The following RORB variants were observed in gnomAD, a reference collection of about 807,000 sequenced individuals.
The protein encoded by RORB is RAR related orphan receptor B.
In RORB, 6 loss-of-function variants were observed where a neutral mutation model predicts 59.1. That is an observed-to-expected ratio of 0.10 (90% CI 0.06 to 0.20). The LOEUF is 0.20. RORB is among the 10% of genes least tolerant of loss of function. RORB has a pLI of 1.00. For missense variants in RORB, 320 were observed against 560.5 expected (o/e 0.57, Z 4.33); for synonymous variants, 215 against 204.5 (o/e 1.05, Z -0.44).
intron 1 of RORB, among the ~76,000 whole-genome samples, chr9:74,623,642 A>G (rs10746963): frequency 0.76 from 115,862 of 151,914 alleles, 44,975 homozygotes; most frequent in East Asian, 0.92. Flanking sequence ...TGCTAGCCTC[A>G]GGATCTCATT....
chr9:74,555,947 A>T (rs543629233), intron 1 of RORB, among the ~76,000 whole-genome samples: 2 of 152,322 alleles, frequency 1.3e-5, no homozygotes, highest in East Asian at 3.9e-4. Context: ...TCACATTTTT[A>T]AAATATATTT....
In RORB at chr9:74,651,063, T is replaced by C. The variant is rs188081103; in HGVS notation, c.637+8248T>C. 1.1e-4 allele frequency among the ~76,000 whole-genome samples: 17 copies of C among 152,308 alleles called. 1 individual carries two copies. In the East Asian group the frequency reaches 3.3e-3, roughly 29 times the overall value. On this transcript the variant is annotated intron_variant, in intron 4 of 9. Coordinates refer to ENST00000376896, the MANE Select transcript of RORB (RefSeq NM_006914.4). ...CATCTGTGACCCATTGGTTGTCCTT[T>C]GGTGGCGTGTGGAGGTGCAGTTTTT... is the stretch of plus-strand genomic sequence containing the variant.
chr9:74,589,064 G>A (rs1822850252), intron 1 of RORB, among the ~76,000 whole-genome samples: 1 of 152,158 alleles, frequency 6.6e-6, no homozygotes, highest in Admixed American at 6.5e-5. Context: ...GCATAGTACA[G>A]GGAGGACTTA....
At chr9:74,513,323 C>T (rs1339325493) in intron 1 of RORB, among the ~76,000 whole-genome samples, 1 of 151,986 alleles carries the variant, frequency 6.6e-6, no homozygotes, top group Non-Finnish European at 1.5e-5. Context: ...TCGCTCTGGT[C>T]CATTAACAGA....
At chr9:74,498,281 C>G (rs1376754819) in intron 1 of RORB, 1 of 456,572 alleles carries the variant, frequency 2.2e-6, no homozygotes, top group Non-Finnish European at 3.9e-6. Context: ...GCTTGTCGCT[C>G]TCGGGTGCGG....
chr9:74,553,585 G>C (rs111347728), intron 1 of RORB, among the ~76,000 whole-genome samples: 1 of 152,154 alleles, frequency 6.6e-6, no homozygotes, highest in African/African-American at 2.4e-5. Context: ...TTAAATGCAA[G>C]GAGTAAATGG....
At chr9:74,552,060 G>A (rs943226636) in intron 1 of RORB, among the ~76,000 whole-genome samples, 1 of 152,186 alleles carries the variant, frequency 6.6e-6, no homozygotes, top group Non-Finnish European at 1.5e-5. Flanking sequence ...CAAATGCTGG[G>A]GGGCCGTCAG....
chr9:74,555,011 A>C (rs1344882457), intron 1 of RORB, among the ~76,000 whole-genome samples: 3 of 152,224 alleles, frequency 2.0e-5, no homozygotes, highest in Non-Finnish European at 2.9e-5. Context: ...CGCAGAAGCA[A>C]AATCAACACT....
intron 1 of RORB, among the ~76,000 whole-genome samples, chr9:74,527,349 A>G (rs1826169965): frequency 6.6e-6 from 1 of 151,954 alleles, no homozygotes. Flanking sequence ...TCGCTGTTCC[A>G]AAATCTGGGA....
At chr9:74,558,852 T>C (rs1446722870) in intron 1 of RORB, among the ~76,000 whole-genome samples, 1 of 152,232 alleles carries the variant, frequency 6.6e-6, no homozygotes, top group Non-Finnish European at 1.5e-5. Context: ...TAAGACTGGT[T>C]ATTTGCCAGT....
At chr9:74,507,050 GT>G (rs1232593697) in intron 1 of RORB, among the ~76,000 whole-genome samples, 2 of 152,052 alleles carry the variant, frequency 1.3e-5, no homozygotes, top group Non-Finnish European at 2.9e-5. Context: ...AAGACAACCA[GT>G]TTTCTGGACA....
intron 1 of RORB, among the ~76,000 whole-genome samples, chr9:74,538,408 T>C (rs1826354148): frequency 6.6e-6 from 1 of 152,052 alleles, no homozygotes; most frequent in Non-Finnish European, 1.5e-5. Context: ...GTTCACCACC[T>C]CAGTTAAAAA....
intron 1 of RORB, among the ~76,000 whole-genome samples, chr9:74,502,087 T>C (rs1825811751): frequency 6.6e-6 from 1 of 152,164 alleles, no homozygotes; most frequent in Non-Finnish European, 1.5e-5. Flanking sequence ...CAAATATGAA[T>C]GTTAACATTT....
chr9:74,545,818 CA>C (rs2118146369), intron 1 of RORB, among the ~76,000 whole-genome samples: 1 of 144,398 alleles, frequency 6.9e-6, no homozygotes, highest in African/African-American at 2.5e-5. Flanking sequence ...TTTTTTTTTT[CA>C]GGGGACATAT....
At chr9:74,560,151 G>A (rs1055819308) in intron 1 of RORB, among the ~76,000 whole-genome samples, 1 of 152,122 alleles carries the variant, frequency 6.6e-6, no homozygotes, top group African/African-American at 2.4e-5. Context: ...AGAACCTTAA[G>A]GTTCTCATAC....
chr9:74,690,321 G>C lies in RORB; in HGVS notation c.*4703G>C, dbSNP rs748323703. 10 of 152,222 alleles carry C rather than the reference G, an allele frequency of 6.6e-5. No homozygotes were observed. Among genetic ancestry groups the C allele is most frequent in the Non-Finnish European group, 5.9e-5 (4 of 68,070 alleles). 9.4% of individuals were successfully genotyped at this position (152,222 alleles called of 1,614,324 possible). A position where few individuals can be genotyped will look rare whatever the true frequency, so the allele number is the denominator to read the frequency against. On this transcript the variant is annotated 3_prime_UTR_variant, in exon 10 of 10. Transcript: ENST00000376896. ...AGGGTAGTTTACCATTTAAAGCAGGGGTTGAAAATTCGAAAGCCTAAAAGG... is the reference window on the plus strand; with the variant it reads ...AGGGTAGTTTACCATTTAAAGCAGGCGTTGAAAATTCGAAAGCCTAAAAGG...
chr9:74,606,910 C>T (rs915318053), intron 1 of RORB, among the ~76,000 whole-genome samples: 4 of 152,112 alleles, frequency 2.6e-5, no homozygotes, highest in Admixed American at 6.5e-5. Context: ...TATAAAGAAG[C>T]AGGTATTCTA....
In RORB at chr9:74,692,951, C is replaced by T. The variant is rs966591820; in HGVS notation, c.*7333C>T. The T allele has an allele frequency of 7.2e-5, 11 of 152,132 alleles. No individual in the cohort carries two copies. Among genetic ancestry groups the T allele is most frequent in the Non-Finnish European group, 1.5e-4 (10 of 68,012 alleles). 9.4% of individuals were successfully genotyped at this position (152,132 alleles called of 1,614,324 possible). Reference sequence around the variant, plus strand: ...TTGAGTTTTTTTAATCATAAATATACTAGAATAAAACAGCACTCCCTAACA... The same window carrying T: ...TTGAGTTTTTTTAATCATAAATATATTAGAATAAAACAGCACTCCCTAACA... On this transcript the variant is annotated 3_prime_UTR_variant, in exon 10 of 10. Coordinates refer to ENST00000376896, the MANE Select transcript of RORB (RefSeq NM_006914.4).
At chr9:74,682,834 C>CT (rs1824569690) in intron 9 of RORB, among the ~76,000 whole-genome samples, 1 of 152,226 alleles carries the variant, frequency 6.6e-6, no homozygotes, top group South Asian at 2.1e-4. Context: ...TCAAGCGATC[C>CT]TCTTGCCTCA....
Sources: allele counts gnomAD v4.1 joint callset (sites outside exome capture counted in the v4.1 genomes callset), GRCh38; gene constraint gnomAD v4.1.1; transcripts MANE v1.5; gene names NCBI Gene and HGNC (gene_info 2026-07-23, HGNC 2026-07-21).